Variants in FHIT observed in about 807,000 individuals in gnomAD.
The protein encoded by FHIT is bis(5'-adenosyl)-triphosphatase.
A neutral mutation model predicts 17.9 loss-of-function variants in FHIT; 19 were observed. That is an observed-to-expected ratio of 1.06 (90% confidence interval 0.74 to 1.56). The LOEUF is 1.56. Ranked by LOEUF, FHIT falls within the 40% of genes most tolerant of loss-of-function variation. FHIT has a pLI of 0.00. For synonymous variants in FHIT, 81 were observed against 69.7 expected, an observed-to-expected ratio of 1.16 and a Z score of -0.81; for missense variants, 248 against 189.2, an observed-to-expected ratio of 1.31 and a Z score of -1.82.
intron 3 of FHIT, among the ~76,000 whole-genome samples, chr3:60,915,208 G>A (rs1031101850): frequency 1.3e-5 from 2 of 151,928 alleles, no homozygotes; most frequent in African/African-American, 2.4e-5. Flanking sequence ...TATGAGCAAT[G>A]GGATTTCTGA....
chr3:60,060,322 A>G (rs1702248189), intron 5 of FHIT, among the ~76,000 whole-genome samples: 1 of 152,216 alleles, frequency 6.6e-6, no homozygotes, highest in Non-Finnish European at 1.5e-5. Context: ...ATGAATTTAG[A>G]CCGTAGAATC....
chr3:59,953,932 T>C (rs757688262), intron 7 of FHIT, among the ~76,000 whole-genome samples: 13 of 152,254 alleles, frequency 8.5e-5, no homozygotes, highest in Non-Finnish European at 1.6e-4. Context: ...TGGAGTGTTC[T>C]GCTTTCAAGG....
chr3:60,685,261 T>A (rs1577067317), intron 4 of FHIT, among the ~76,000 whole-genome samples: 1 of 152,328 alleles, frequency 6.6e-6, no homozygotes, highest in East Asian at 1.9e-4. Flanking sequence ...TTGAATGAAT[T>A]AAATTTGTAT....
intron 3 of FHIT, among the ~76,000 whole-genome samples, chr3:60,865,057 C>A (rs1233729602): frequency 2.0e-5 from 3 of 152,022 alleles, no homozygotes; most frequent in Admixed American, 2.0e-4. Context: ...ATAAATCTAT[C>A]TGTTGGCTTT....
chr3:60,375,334 T>C (rs181278310), intron 5 of FHIT, among the ~76,000 whole-genome samples: 182 of 151,436 alleles, frequency 1.2e-3, no homozygotes, highest in Middle Eastern at 6.8e-3. Context: ...TTTGGAAGGC[T>C]GAGGTGGGAG....
chr3:59,769,843 C>G (rs1024643794), intron 8 of FHIT, among the ~76,000 whole-genome samples: 2 of 151,650 alleles, frequency 1.3e-5, no homozygotes, highest in African/African-American at 4.9e-5. Flanking sequence ...ATGATTTACA[C>G]GGATTGAACT....
chr3:60,723,663 C>G (rs1178604364), intron 4 of FHIT, among the ~76,000 whole-genome samples: 2 of 152,170 alleles, frequency 1.3e-5, no homozygotes, highest in African/African-American at 4.8e-5. Flanking sequence ...GACTGCACAC[C>G]ATGCACCTTT....
At chr3:60,478,603 A>G (rs1490022179) in intron 5 of FHIT, among the ~76,000 whole-genome samples, 1 of 152,220 alleles carries the variant, frequency 6.6e-6, no homozygotes, top group East Asian at 1.9e-4. Context: ...TGACAGCTTC[A>G]AGAGCAGCAG....
At chr3:59,795,884 C>G (rs1365087792) in intron 8 of FHIT, among the ~76,000 whole-genome samples, 2 of 152,188 alleles carry the variant, frequency 1.3e-5, no homozygotes, top group African/African-American at 4.8e-5. Flanking sequence ...GTACCGGTCT[C>G]CTTGCGGGAA....
intron 5 of FHIT, among the ~76,000 whole-genome samples, chr3:60,496,408 A>G (rs2034301418): frequency 6.6e-6 from 1 of 152,204 alleles, no homozygotes. Context: ...GTTTTACTCC[A>G]CTGGATAATT....
chr3:60,584,049 G>A (rs2037829315), intron 4 of FHIT, among the ~76,000 whole-genome samples: 1 of 152,060 alleles, frequency 6.6e-6, no homozygotes, highest in Admixed American at 6.6e-5. Context: ...CCTCACAGCT[G>A]CAGATACAGG....
chr3:60,450,115 A>G (rs982924386), intron 5 of FHIT, among the ~76,000 whole-genome samples: 1 of 151,884 alleles, frequency 6.6e-6, no homozygotes, highest in Non-Finnish European at 1.5e-5. Flanking sequence ...TGGGTGAGCC[A>G]GTGAGGGAGT....
chr3:60,564,051 T>C (rs967300568), intron 4 of FHIT, among the ~76,000 whole-genome samples: 1 of 152,174 alleles, frequency 6.6e-6, no homozygotes, highest in African/African-American at 2.4e-5. Context: ...ATGAACAAAC[T>C]GAATCTCTTG....
intron 8 of FHIT, among the ~76,000 whole-genome samples, chr3:59,788,928 C>T (rs1213166260): frequency 8.8e-6 from 1 of 114,170 alleles, no homozygotes; most frequent in East Asian, 3.0e-4. Context: ...TCTTGCAGAT[C>T]AATGCCTGAG....
intron 5 of FHIT, among the ~76,000 whole-genome samples, chr3:60,106,045 TCTCTCA>T (rs1364261357): frequency 6.6e-6 from 1 of 152,186 alleles, no homozygotes; most frequent in Non-Finnish European, 1.5e-5. Context: ...AATCTCATTG[TCTCTCA>T]CTCTGTCTCT....
At chr3:59,965,263 T>C (rs535261366) in intron 7 of FHIT, among the ~76,000 whole-genome samples, 3 of 152,194 alleles carry the variant, frequency 2.0e-5, no homozygotes, top group East Asian at 1.9e-4. Flanking sequence ...TGGAGGTTCA[T>C]AGAAAATATA....
intron 2 of FHIT, among the ~76,000 whole-genome samples, chr3:61,048,404 A>C (rs556630612): frequency 3.3e-5 from 5 of 152,358 alleles, no homozygotes; most frequent in East Asian, 3.9e-4. Flanking sequence ...CCATCAGAGA[A>C]ATGCAAATCA....
chr3:60,019,843 C>T (rs9825153), intron 5 of FHIT, among the ~76,000 whole-genome samples: 71,690 of 152,120 alleles, frequency 0.47, 17,621 homozygotes, highest in East Asian at 0.79. Context: ...TGGAGCTCAA[C>T]TGGTGAGCTT....
chr3:60,715,589 G>A (rs1245493918), intron 4 of FHIT, among the ~76,000 whole-genome samples: 1 of 140,730 alleles, frequency 7.1e-6, no homozygotes, highest in Non-Finnish European at 1.5e-5. Flanking sequence ...CATGGACGCA[G>A]GAAGGGGAAC....
Sources: allele counts gnomAD v4.1 joint callset (sites outside exome capture counted in the v4.1 genomes callset), GRCh38; gene constraint gnomAD v4.1.1; transcripts MANE v1.5; gene names NCBI Gene and HGNC (gene_info 2026-07-23, HGNC 2026-07-21).